Variants in CFHR2 observed in about 807,000 individuals in gnomAD.
CFHR2 encodes the protein complement factor H-related protein 2.
A neutral mutation model predicts 21.7 loss-of-function variants in CFHR2; 22 were observed. The observed-to-expected ratio is 1.01, with a 90% CI of 0.72 to 1.45. The LOEUF (loss-of-function observed/expected upper bound fraction) is 1.45. Ranked by LOEUF, CFHR2 falls within the 40% of genes most tolerant of loss-of-function variation. CFHR2 has a pLI of 0.00. For synonymous variants in CFHR2, 98 were observed against 97.4 expected (o/e 1.01, Z -0.04); for missense variants, 294 against 293.3 (o/e 1.00, Z -0.02).
intron 3 of CFHR2, among the ~76,000 whole-genome samples, chr1:196,953,290 A>T (rs1045932239): frequency 6.6e-6 from 1 of 151,812 alleles, no homozygotes; most frequent in African/African-American, 2.4e-5. Flanking sequence ...TTATTTACTT[A>T]TTTATTTTTT....
At chr1:196,948,338 T>G (rs1483794367) in intron 1 of CFHR2, among the ~76,000 whole-genome samples, 1 of 152,130 alleles carries the variant, frequency 6.6e-6, no homozygotes, top group African/African-American at 2.4e-5. Flanking sequence ...TTTAGTGGCA[T>G]GATCTCGGCT....
chr1:196,944,698 T>A (rs1659410591), intron 1 of CFHR2, among the ~76,000 whole-genome samples: 1 of 151,976 alleles, frequency 6.6e-6, no homozygotes, highest in African/African-American at 2.4e-5. Flanking sequence ...CTTTACCCTT[T>A]GATTTCCAAA....
intron 3 of CFHR2, among the ~76,000 whole-genome samples, chr1:196,956,790 C>T (rs905686048): frequency 2.0e-5 from 3 of 150,804 alleles, no homozygotes; most frequent in Non-Finnish European, 4.4e-5. Context: ...TGAGAGTTTC[C>T]TGGTCCTTAA....
In CFHR2 at chr1:196,949,562, G is replaced by A; in HGVS notation, c.166G>A (p.Glu56Lys). 3 of 1,614,024 alleles carry A rather than the reference G, an allele frequency of 1.9e-6. No homozygotes were observed. Among genetic ancestry groups the A allele is most frequent in the Non-Finnish European group, 2.5e-6 (3 of 1,179,970 alleles). ...PTGEVFYYSC[E>K]YNFVSPSKSF... is the part of the protein sequence containing the mutation. Reference sequence around the variant, plus strand: ...AGGGGAAGTTTTCTATTACTCCTGTGAATATAATTTTGTGTCTCCTTCAAA... The same window carrying A: ...AGGGGAAGTTTTCTATTACTCCTGTAAATATAATTTTGTGTCTCCTTCAAA... Residue 56 changes from glutamate (E) to lysine (K), a missense_variant, in exon 2 of 5, where the codon GAA becomes AAA. Glu to Lys is a moderately conservative substitution (Grantham distance 56). Coordinates refer to ENST00000367415, the MANE Select transcript of CFHR2 (RefSeq NM_005666.4).
At chr1:196,958,284 G>T (rs1380129910) in intron 4 of CFHR2, among the ~76,000 whole-genome samples, 3 of 151,782 alleles carry the variant, frequency 2.0e-5, no homozygotes, top group Non-Finnish European at 4.4e-5. Context: ...TAAATAAAAA[G>T]AATACATATT....
chr1:196,948,560 G>C (rs578031481), intron 1 of CFHR2, among the ~76,000 whole-genome samples: 1 of 152,112 alleles, frequency 6.6e-6, no homozygotes, highest in Non-Finnish European at 1.5e-5. Flanking sequence ...ACAGGTATGA[G>C]CTACCACACC....
intron 3 of CFHR2, among the ~76,000 whole-genome samples, chr1:196,953,927 A>G (rs951840783): frequency 3.3e-5 from 5 of 152,290 alleles, no homozygotes; most frequent in Admixed American, 2.6e-4. Context: ...ACTTTTATGA[A>G]CTAACCATTA....
rs750435797 is a variant in CFHR2, at chr1:196,949,456, A to T, written c.60A>T (p.Ala20=). The T allele has an allele frequency of 6.2e-7, 1 of 1,611,132 alleles. No individual in the cohort carries two copies. Among genetic ancestry groups the T allele is most frequent in the East Asian group, 2.2e-5 (1 of 44,834 alleles). Residue 20 remains alanine (A), a splice_region_variant and synonymous_variant, in exon 2 of 5, where the codon GCA becomes GCT. Transcript: ENST00000367415. ...TTCAGTTTTGTGTTATTTTCCCAGC[A>T]ATGTTCTGTGATTTTCCAAAAATAA... ...ISRISSVGGE[A]MFCDFPKINH...
chr1:196,944,634 A>T (rs534415732), intron 1 of CFHR2, among the ~76,000 whole-genome samples: 1 of 151,918 alleles, frequency 6.6e-6, no homozygotes, highest in Non-Finnish European at 1.5e-5. Flanking sequence ...AATCTCTACC[A>T]AGGTCTAGGA....
chr1:196,949,456 A>C lies in CFHR2; in HGVS notation c.60A>C (p.Ala20=), dbSNP rs750435797. Residue 20 remains alanine, a splice_region_variant and synonymous_variant, in exon 2 of 5, where the codon GCA becomes GCC. Transcript: ENST00000367415. Reference sequence around the variant, plus strand: ...TTCAGTTTTGTGTTATTTTCCCAGCAATGTTCTGTGATTTTCCAAAAATAA... The same window carrying C: ...TTCAGTTTTGTGTTATTTTCCCAGCCATGTTCTGTGATTTTCCAAAAATAA... The part of the protein sequence containing the change: ...ISRISSVGGE[A]MFCDFPKINH... The C allele has an allele frequency of 6.2e-7, 1 of 1,611,132 alleles. No homozygotes were observed. Among genetic ancestry groups the C allele is most frequent in the East Asian group, 2.2e-5 (1 of 44,834 alleles).
intron 3 of CFHR2, among the ~76,000 whole-genome samples, chr1:196,951,654 C>G (rs1312209271): frequency 6.6e-6 from 1 of 152,044 alleles, no homozygotes; most frequent in Non-Finnish European, 1.5e-5. Context: ...CCGTCCTATG[C>G]TTGCACAGCT....
At position 196,959,288 on chromosome 1, in the gene CFHR2, T is replaced by A. The variant is rs1447204970; in HGVS notation, c.*208T>A. The A allele has an allele frequency of 2.1e-6, 1 of 474,080 alleles. No homozygotes were observed. Among genetic ancestry groups the A allele is most frequent in the African/African-American group, 2.0e-5 (1 of 50,430 alleles). The allele number at this position is 474,080 out of a possible 1,614,324, so 29.4% of individuals were successfully genotyped here. On this transcript the variant is annotated 3_prime_UTR_variant, in exon 5 of 5. Transcript: ENST00000367415. ...CAAATCTAAGTAACAACCTAGGAAT[T>A]GTCTTTTTTTTTCTTTTTAAAAAAA...
chr1:196,952,808 C>T (rs2125010110), intron 3 of CFHR2, among the ~76,000 whole-genome samples: 2 of 152,302 alleles, frequency 1.3e-5, no homozygotes, highest in East Asian at 3.9e-4. Context: ...CCAAAATAAA[C>T]TTGCTTCAAA....
In CFHR2 at chr1:196,946,205, G is replaced by T. The variant is rs571543079; in HGVS notation, c.58+2267G>T. ...GATGGCTTAGAACATCACCATACACGACTAGAGGTGGTATAAACACTGTAT... is the reference window on the plus strand; with the variant it reads ...GATGGCTTAGAACATCACCATACACTACTAGAGGTGGTATAAACACTGTAT... On this transcript the variant is annotated intron_variant, in intron 1 of 4. Transcript: ENST00000367415. 1.5e-3 allele frequency among the ~76,000 whole-genome samples: 226 copies of T among 152,162 alleles called. 1 individual carries two copies. In the East Asian group the frequency reaches 0.021, roughly 14 times the overall value.
intron 1 of CFHR2, among the ~76,000 whole-genome samples, chr1:196,947,305 T>C (rs552643729): frequency 6.6e-6 from 1 of 152,274 alleles, no homozygotes; most frequent in South Asian, 2.1e-4. Context: ...GCACAATGAA[T>C]ACTTGATGAA....
At chr1:196,946,520 A>G (rs1409279747) in intron 1 of CFHR2, among the ~76,000 whole-genome samples, 3 of 152,182 alleles carry the variant, frequency 2.0e-5, no homozygotes, top group Non-Finnish European at 4.4e-5. Context: ...CTTGTGCTAT[A>G]AGCTTTTATC....
chr1:196,956,020 A>G (rs541099011), intron 3 of CFHR2, among the ~76,000 whole-genome samples: 64 of 152,296 alleles, frequency 4.2e-4, no homozygotes, highest in Non-Finnish European at 7.9e-4. Flanking sequence ...TTATAAAACC[A>G]TCAGATCTCA....
Position 196,957,955 on chromosome 1 carries a change from G to C in CFHR2, c.495G>C (p.Leu165Phe). Residue 165 changes from leucine to phenylalanine, a missense_variant, in exon 4 of 5, where the codon TTG becomes TTC. Physicochemically the swap from Leu to Phe is conservative, Grantham distance 22. Coordinates refer to ENST00000367415, the MANE Select transcript of CFHR2 (RefSeq NM_005666.4). Reference sequence around the variant, plus strand: ...ATGGAGACATTACTTCATTCCTGTTGTCAGTATATGCTCCAGGTTCATCAG... The same window carrying C: ...ATGGAGACATTACTTCATTCCTGTTCTCAGTATATGCTCCAGGTTCATCAG... ...IDNGDITSFL[L>F]SVYAPGSSVE... is the part of the protein sequence containing the mutation. The C allele has an allele frequency of 6.2e-7, 1 of 1,613,636 alleles. No individual in the cohort carries two copies. Among genetic ancestry groups the C allele is most frequent in the Non-Finnish European group, 8.5e-7 (1 of 1,179,698 alleles).
At chr1:196,956,226 G>C (rs963792506) in intron 3 of CFHR2, among the ~76,000 whole-genome samples, 3 of 152,140 alleles carry the variant, frequency 2.0e-5, no homozygotes, top group Admixed American at 2.0e-4. Context: ...GCAAAACAGA[G>C]CAATCTCAAG....
Sources: gnomAD v4.1 joint callset for allele counts (sites outside exome capture counted in the v4.1 genomes callset) on GRCh38, gnomAD v4.1.1 for gene constraint, MANE v1.5 for transcripts, NCBI Gene and HGNC (gene_info 2026-07-23, HGNC 2026-07-21) for gene names.